The following CNIH3 variants were observed in gnomAD, a reference collection of about 807,000 sequenced individuals.
CNIH3 encodes protein cornichon homolog 3.
Under a neutral mutation model 24.1 loss-of-function variants are expected in CNIH3, and 14 were observed. The observed-to-expected ratio is 0.58, with a 90% CI of 0.38 to 0.91. The LOEUF (loss-of-function observed/expected upper bound fraction) is 0.91, where lower values mean the gene tolerates loss of function less well. Among genes scored for constraint, CNIH3 ranks in the 40% least tolerant of loss-of-function variants. The pLI, the probability that CNIH3 is intolerant of heterozygous loss-of-function variation, is 0.00. For missense variants in CNIH3, 178 were observed against 196.8 expected, an observed-to-expected ratio of 0.90 and a Z score of 0.57; for synonymous variants, 68 against 73.8, an observed-to-expected ratio of 0.92 and a Z score of 0.40.
At chr1:224,468,705 C>T (rs759621643) in intron 1 of CNIH3, among the ~76,000 whole-genome samples, 2 of 151,622 alleles carry the variant, frequency 1.3e-5, no homozygotes, top group South Asian at 4.2e-4. Context: ...GATGAGAGTA[C>T]GTCTGTGGTA....
intron 1 of CNIH3, among the ~76,000 whole-genome samples, chr1:224,502,534 C>T (rs1004076512): frequency 6.6e-6 from 1 of 152,196 alleles, no homozygotes; most frequent in African/African-American, 2.4e-5. Flanking sequence ...AACAGCCTTC[C>T]TCCTGGTCTA....
At chr1:224,693,481 G>T (rs1289070094) in intron 3 of CNIH3, among the ~76,000 whole-genome samples, 2 of 152,230 alleles carry the variant, frequency 1.3e-5, no homozygotes, top group Non-Finnish European at 2.9e-5. Flanking sequence ...GGGCAGGGGG[G>T]ATGTTCTTCT....
intron 1 of CNIH3, among the ~76,000 whole-genome samples, chr1:224,638,903 A>G (rs936135957): frequency 2.6e-5 from 4 of 152,120 alleles, no homozygotes; most frequent in African/African-American, 9.7e-5. Flanking sequence ...TTACCAGTCC[A>G]TATTTCCAAT....
intron 1 of CNIH3, among the ~76,000 whole-genome samples, chr1:224,441,993 G>A (rs1164395926): frequency 4.0e-5 from 6 of 150,922 alleles, no homozygotes; most frequent in Non-Finnish European, 8.9e-5. Flanking sequence ...CAGAGTTTGG[G>A]AGATTTATTG....
intron 3 of CNIH3, among the ~76,000 whole-genome samples, chr1:224,714,776 G>T (rs139340098): frequency 1.8e-4 from 27 of 152,294 alleles, no homozygotes; most frequent in Admixed American, 5.2e-4. Context: ...GAACACCTAC[G>T]CTAGGACCCA....
At chr1:224,527,804 C>T (rs1678902183) in intron 2 of CNIH3, among the ~76,000 whole-genome samples, 1 of 151,964 alleles carries the variant, frequency 6.6e-6, no homozygotes, top group South Asian at 2.1e-4. Flanking sequence ...AGTATGTACC[C>T]AATAAATATA....
intron 1 of CNIH3, among the ~76,000 whole-genome samples, chr1:224,678,088 C>G (rs930323): frequency 0.19 from 29,614 of 151,994 alleles, 3,212 homozygotes; most frequent in African/African-American, 0.3. Context: ...ATTGACGATA[C>G]TGTGTTTATT....
chr1:224,488,961 A>G (rs1677138367), intron 1 of CNIH3, among the ~76,000 whole-genome samples: 1 of 152,110 alleles, frequency 6.6e-6, no homozygotes, highest in South Asian at 2.1e-4. Flanking sequence ...CCTGTCTACT[A>G]ATTCCAATGT....
intron 2 of CNIH3, among the ~76,000 whole-genome samples, chr1:224,535,315 C>A (rs1019210516): frequency 1.3e-5 from 2 of 152,058 alleles, no homozygotes; most frequent in Non-Finnish European, 2.9e-5. Flanking sequence ...ACACCAGGAG[C>A]TAGAAGAAGT....
At chr1:224,570,505 T>C (rs1680771585) in intron 4 of CNIH3, among the ~76,000 whole-genome samples, 1 of 152,230 alleles carries the variant, frequency 6.6e-6, no homozygotes, top group Non-Finnish European at 1.5e-5. Flanking sequence ...ATTTTGTTCT[T>C]TTTTATGGCT....
intron 3 of CNIH3, among the ~76,000 whole-genome samples, chr1:224,599,331 T>G (rs531348170): frequency 3.9e-5 from 6 of 152,202 alleles, no homozygotes; most frequent in Non-Finnish European, 7.3e-5. Flanking sequence ...CTGGGACAGC[T>G]AGAGGCTGGA....
chr1:224,660,841 C>T (rs1400776847), intron 1 of CNIH3, among the ~76,000 whole-genome samples: 8 of 152,178 alleles, frequency 5.3e-5, no homozygotes, highest in South Asian at 4.1e-4. Flanking sequence ...CATTTGCAGA[C>T]GTGATGGAAA....
intron 3 of CNIH3, among the ~76,000 whole-genome samples, chr1:224,559,872 A>G (rs1048633488): frequency 1.3e-5 from 2 of 152,238 alleles, no homozygotes; most frequent in East Asian, 1.9e-4. Context: ...AAAGGTAACC[A>G]CTATCCTGGT....
intron 3 of CNIH3, among the ~76,000 whole-genome samples, chr1:224,701,415 C>T (rs1367894991): frequency 1.3e-5 from 2 of 152,186 alleles, no homozygotes; most frequent in Non-Finnish European, 2.9e-5. Context: ...AGACAGCTGT[C>T]TTCTTGCTGC....
At chr1:224,442,599 G>A (rs1674967381) in intron 1 of CNIH3, among the ~76,000 whole-genome samples, 1 of 152,090 alleles carries the variant, frequency 6.6e-6, no homozygotes, top group African/African-American at 2.4e-5. Flanking sequence ...CTGTGATAAT[G>A]AAATAATAGA....
intron 3 of CNIH3, among the ~76,000 whole-genome samples, chr1:224,696,504 C>G (rs992662522): frequency 5.9e-5 from 9 of 152,198 alleles, no homozygotes; most frequent in African/African-American, 1.9e-4. Flanking sequence ...GCAGGGCACA[C>G]AGCCACTGAT....
chr1:224,521,774 C>T (rs1204726089), intron 2 of CNIH3, among the ~76,000 whole-genome samples: 2 of 152,150 alleles, frequency 1.3e-5, no homozygotes, highest in Non-Finnish European at 2.9e-5. Flanking sequence ...AATGAAATTG[C>T]TTGAGACCGG....
At chr1:224,618,766 G>A (rs906858234) in intron 1 of CNIH3, among the ~76,000 whole-genome samples, 2 of 152,140 alleles carry the variant, frequency 1.3e-5, no homozygotes, top group South Asian at 4.1e-4. Context: ...TAGATATTTG[G>A]GGGATGATTA....
chr1:224,677,248 A>G (rs376734903), intron 1 of CNIH3, among the ~76,000 whole-genome samples: 21 of 152,192 alleles, frequency 1.4e-4, no homozygotes, highest in East Asian at 5.8e-4. Flanking sequence ...AGCAGACAAT[A>G]CATGAGAGCT....
Sources: gnomAD v4.1 joint callset for allele counts (sites outside exome capture counted in the v4.1 genomes callset) on GRCh38, gnomAD v4.1.1 for gene constraint, MANE v1.5 for transcripts, NCBI Gene and HGNC (gene_info 2026-07-23, HGNC 2026-07-21) for gene names.